ALMS1: variants seen among roughly 807,000 people sequenced by gnomAD.
The protein encoded by ALMS1 is ALMS1 centrosome and basal body associated protein, also known as centrosome-associated protein ALMS1.
In ALMS1, 271 loss-of-function variants were observed where a neutral mutation model predicts 352.2. The observed-to-expected ratio is 0.77, with a 90% CI of 0.70 to 0.85. The LOEUF (loss-of-function observed/expected upper bound fraction) is 0.85. ALMS1 is among the 40% of genes least tolerant of loss of function. The probability of loss-of-function intolerance (pLI) is 0.00; values close to 1 mark genes in which losing one functional copy is unlikely to be tolerated. For synonymous variants in ALMS1, 1,865 were observed against 1,761.2 expected (o/e 1.06, Z -1.48); for missense variants, 5,445 against 4,870.7 (o/e 1.12, Z -3.51).
intron 9 of ALMS1, among the ~76,000 whole-genome samples, chr2:73,464,284 G>C (rs1558656129): frequency 6.6e-6 from 1 of 152,170 alleles, no homozygotes; most frequent in Non-Finnish European, 1.5e-5. Context: ...TGCAAGGCTG[G>C]TTCAACATAT....
At chr2:73,416,320 G>C (rs1189376730) in intron 2 of ALMS1, among the ~76,000 whole-genome samples, 4 of 152,126 alleles carry the variant, frequency 2.6e-5, no homozygotes, top group Non-Finnish European at 5.9e-5. Flanking sequence ...TTATAGATCT[G>C]ATTAATTTAT....
intron 12 of ALMS1, among the ~76,000 whole-genome samples, chr2:73,539,959 C>G (rs920256335): frequency 7.9e-5 from 12 of 152,278 alleles, no homozygotes; most frequent in Middle Eastern, 3.4e-3. Context: ...AGGATATTAT[C>G]CAGGAGAACT....
At chr2:73,603,424 T>C (rs1675744794) in intron 21 of ALMS1, 120 bp downstream of exon 21, 1 of 900,414 alleles carries the variant, frequency 1.1e-6, no homozygotes, top group Non-Finnish European at 1.8e-6. Context: ...TATGAGAAAG[T>C]TGTGAGAGTC....
intron 9 of ALMS1, among the ~76,000 whole-genome samples, chr2:73,465,235 C>G (rs1016197319): frequency 2.0e-5 from 3 of 152,016 alleles, no homozygotes; most frequent in Non-Finnish European, 2.9e-5. Context: ...TGACTTCAAA[C>G]TATACTACAA....
At chr2:73,388,147 C>T (rs1040670762) in intron 1 of ALMS1, among the ~76,000 whole-genome samples, 3 of 152,072 alleles carry the variant, frequency 2.0e-5, no homozygotes, top group Non-Finnish European at 2.9e-5. Flanking sequence ...TACATAGAGA[C>T]CATAATTAAA....
chr2:73,511,541 T>C (rs1045019529), intron 10 of ALMS1, among the ~76,000 whole-genome samples: 4 of 152,076 alleles, frequency 2.6e-5, no homozygotes, highest in African/African-American at 9.7e-5. Flanking sequence ...GGTACCTTAG[T>C]CGGAAATGCA....
In ALMS1 at chr2:73,601,252, T is replaced by A. The variant is rs1383132651; in HGVS notation, c.11930T>A (p.Val3977Glu). 1 of 1,614,216 alleles carries A rather than the reference T, an allele frequency of 6.2e-7. No homozygotes were observed. The highest frequency in any genetic ancestry group is 2.2e-5 in the East Asian group (1 of 44,892). ...GAGTCTAGATCAAAGAAGGAAAACG[T>A]GCCTAACACTTGTGGCCCTGGCATC... is the stretch of plus-strand genomic sequence containing the variant. ...NVESRSKKEN[V>E]PNTCGPGISW... The change falls in exon 19 of 23, where the codon GTG becomes GAG. Residue 3977 changes from valine to glutamate, a missense_variant. Physicochemically the swap from Val to Glu is moderately radical, Grantham distance 121. Transcript: ENST00000613296.
At position 73,451,987 on chromosome 2, in the gene ALMS1, G is replaced by A; in HGVS notation, c.5460G>A (p.Leu1820=). Residue 1820 remains leucine, a synonymous_variant, in exon 8 of 23, where the codon TTG becomes TTA. Transcript: ENST00000613296. ...EKPIVSYQRE[L]PHFTEAGLKI... ...CCATTGTTTCCTACCAGCGAGAGTTGCCGCATTTTACTGAAGCAGGTTTGA... is the reference window on the plus strand; with the variant it reads ...CCATTGTTTCCTACCAGCGAGAGTTACCGCATTTTACTGAAGCAGGTTTGA... 1 of 1,613,452 alleles carries A rather than the reference G, an allele frequency of 6.2e-7. No individual in the cohort carries two copies. Among genetic ancestry groups the A allele is most frequent in the Non-Finnish European group, 8.5e-7 (1 of 1,179,698 alleles).
chr2:73,411,842 G>A (rs1261740332), intron 2 of ALMS1, among the ~76,000 whole-genome samples: 3 of 151,892 alleles, frequency 2.0e-5, no homozygotes, highest in Admixed American at 6.6e-5. Context: ...CTTTACTTCC[G>A]TACCTCCTTC....
At chr2:73,606,161 A>C (rs1675812756) in intron 21 of ALMS1, among the ~76,000 whole-genome samples, 1 of 152,206 alleles carries the variant, frequency 6.6e-6, no homozygotes, top group Non-Finnish European at 1.5e-5. Flanking sequence ...ATTTCCCATT[A>C]AAAATACAGG....
chr2:73,457,217 AT>A (rs1345897421), intron 9 of ALMS1: 1 of 152,178 alleles, frequency 6.6e-6, no homozygotes, highest in African/African-American at 2.4e-5. Flanking sequence ...TCTTGTATCT[AT>A]ATAATACTTT....
chr2:73,438,250 T>G (rs968668364), intron 7 of ALMS1, among the ~76,000 whole-genome samples: 1 of 152,220 alleles, frequency 6.6e-6, no homozygotes, highest in Non-Finnish European at 1.5e-5. Flanking sequence ...TTGATATTAG[T>G]TGCCCTGATT....
chr2:73,449,004 T>C lies in ALMS1; in HGVS notation c.2477T>C (p.Leu826Pro). ...CTTGTTTTCTACCAACAGGCCTTGC[T>C]GGACAGCCATCTACCCGAAGAGGCT... ...KLLVFYQQALLDSHLPEEALK... is the reference protein window; with the variant it reads ...KLLVFYQQALPDSHLPEEALK... Residue 826 changes from leucine to proline, a missense_variant, in exon 8 of 23, where the codon CTG becomes CCG. Leu to Pro is a moderately conservative substitution (Grantham distance 98). Coordinates refer to ENST00000613296, the MANE Select transcript of ALMS1 (RefSeq NM_001378454.1). 6.2e-7 allele frequency: 1 copy of C among 1,613,546 alleles called. No individual in the cohort carries two copies. The highest frequency in any genetic ancestry group is 8.5e-7 in the Non-Finnish European group (1 of 1,179,844).
chr2:73,533,498 G>C (rs1034576620), intron 11 of ALMS1, among the ~76,000 whole-genome samples: 1 of 152,106 alleles, frequency 6.6e-6, no homozygotes, highest in African/African-American at 2.4e-5. Flanking sequence ...TCTAGGAAGT[G>C]GGGGGCTTTA....
At chr2:73,489,566 A>G (rs756152523) in intron 9 of ALMS1, 68 bp from the exon 10 acceptor site, 1,106 of 1,577,914 alleles carry the variant, frequency 7.0e-4, no homozygotes, top group Non-Finnish European at 8.9e-4. Context: ...ACTGATTTGT[A>G]TAAAACTGAT....
In ALMS1 at chr2:73,449,840, A is replaced by G; in HGVS notation, c.3313A>G (p.Ile1105Val). ...CTACTCACAAAGAGAGAAGCCTGGT[A>G]TTTTCTACCAACAGACCTTGCCAGA... ...TFYSQREKPGIFYQQTLPESH... is the reference protein window; with the variant it reads ...TFYSQREKPGVFYQQTLPESH... Residue 1105 changes from isoleucine to valine, a missense_variant, in exon 8 of 23, where the codon ATT (isoleucine) becomes GTT (valine). Ile to Val is a conservative substitution (Grantham distance 29, BLOSUM62 3). Transcript: ENST00000613296. 5 of 1,614,034 alleles carry G rather than the reference A, an allele frequency of 3.1e-6. No homozygotes were observed. The highest frequency in any genetic ancestry group is 4.2e-6 in the Non-Finnish European group (5 of 1,179,938).
At position 73,451,185 on chromosome 2, in the gene ALMS1, C is replaced by T; in HGVS notation, c.4658C>T (p.Ala1553Val). Residue 1553 changes from alanine to valine, a missense_variant, in exon 8 of 23, where the codon GCT becomes GTT. Coordinates refer to ENST00000613296, the MANE Select transcript of ALMS1 (RefSeq NM_001378454.1). ...IPEEALRVSSAPGPADQTTGI... is the reference protein window; with the variant it reads ...IPEEALRVSSVPGPADQTTGI... ...GAAGAGGCTCTCAGAGTTTCTTCTG[C>T]TCCTGGACCAGCTGACCAGACAACT... The T allele has an allele frequency of 6.2e-7, 1 of 1,613,880 alleles. No individual in the cohort carries two copies. The highest frequency in any genetic ancestry group is 8.5e-7 in the Non-Finnish European group (1 of 1,179,934).
chr2:73,396,005 G>A (rs867375766), intron 1 of ALMS1, among the ~76,000 whole-genome samples: 1 of 152,058 alleles, frequency 6.6e-6, no homozygotes, highest in East Asian at 1.9e-4. Flanking sequence ...GAAGGTTTAC[G>A]AATTTGTGTT....
intron 6 of ALMS1, among the ~76,000 whole-genome samples, chr2:73,429,234 T>G (rs1671453137): frequency 6.6e-6 from 1 of 151,974 alleles, no homozygotes; most frequent in African/African-American, 2.4e-5. Context: ...CATTATTTTG[T>G]TTTTCTTTCT....
Sources: allele counts gnomAD v4.1 joint callset (sites outside exome capture counted in the v4.1 genomes callset), GRCh38; gene constraint gnomAD v4.1.1; transcripts MANE v1.5; gene names NCBI Gene and HGNC (gene_info 2026-07-23, HGNC 2026-07-21).